ZNF768: variants seen among roughly 807,000 people sequenced by gnomAD.
The protein encoded by ZNF768 is zinc finger protein 768.
ZNF768 carries 12 observed loss-of-function variants against 39.7 expected under a neutral mutation model. The observed-to-expected ratio is 0.30, with a 90% CI of 0.19 to 0.49. ZNF768 has a LOEUF of 0.49. Ranked by LOEUF, ZNF768 falls within the 20% of genes least tolerant of loss-of-function variation. The probability of loss-of-function intolerance (pLI) is 0.99; values close to 1 mark genes in which losing one functional copy is unlikely to be tolerated. For missense variants in ZNF768, 613 were observed against 723.2 expected, an observed-to-expected ratio of 0.85 and a Z score of 1.75; for synonymous variants, 360 against 288.4, an observed-to-expected ratio of 1.25 and a Z score of -2.52.
upstream of ZNF768, among the ~76,000 whole-genome samples, chr16:30,528,899 G>T (rs1280931284): frequency 2.0e-5 from 3 of 152,176 alleles, no homozygotes; most frequent in African/African-American, 7.2e-5. Context: ...CAGGAGAGCA[G>T]CCACACCCTA....
chr16:30,526,289 C>T (rs1412242499), intron 1 of ZNF768, 37 bp downstream of exon 1: 1 of 1,607,956 alleles, frequency 6.2e-7, no homozygotes, highest in Non-Finnish European at 8.5e-7. Context: ...TTCTCCTGCG[C>T]GCAAGTCCAC....
At chr16:30,527,044 G>A (rs2051334332), upstream of ZNF768, 4 of 985,394 alleles carry the variant, frequency 4.1e-6, no homozygotes, top group Non-Finnish European at 4.8e-6. Flanking sequence ...CCCGGGCCCC[G>A]CGTCGTCGGT....
Position 30,526,524 on chromosome 16 carries a change from G to A in ZNF768, c.-111C>T, listed in dbSNP as rs71383763. 23,610 of 1,139,562 alleles carry A rather than the reference G, an allele frequency of 0.021. 312 individuals are homozygous for A. The highest frequency in any genetic ancestry group is 0.024 in the Non-Finnish European group (22,012 of 927,694). 70.6% of individuals were successfully genotyped at this position (1,139,562 alleles called of 1,614,324 possible). A position where few individuals can be genotyped will look rare whatever the true frequency, so the allele number is the denominator to read the frequency against. The stretch of plus-strand genomic sequence containing the variant: ...CCTCCCGCCCGCTCAGCGCCGCCCA[G>A]GGGACTCGGCGGCCCAGCCCGGGCC... On this transcript the variant is annotated 5_prime_UTR_variant, in exon 1 of 2. Transcript: ENST00000380412.
rs776890514 is a variant in ZNF768, at chr16:30,525,885, C to T, written c.255G>A (p.Gly85=). Residue 85 remains glycine, a synonymous_variant, in exon 2 of 2, where the codon GGG becomes GGA. Coordinates refer to ENST00000380412, the MANE Select transcript of ZNF768 (RefSeq NM_024671.4). ...QSPRFEPESP[G]FESRSPGLVP... The stretch of plus-strand genomic sequence containing the variant: ...CAAGCCCAGGGCTTCGGGACTCAAA[C>T]CCCGGGCTTTCAGGCTCAAATCTGG... 6.9e-5 allele frequency: 105 copies of T among 1,518,916 alleles called. No individual in the cohort carries two copies. Among genetic ancestry groups the T allele is most frequent in the Middle Eastern group, 3.7e-4 (2 of 5,456 alleles). The allele number at this position is 1,518,916 out of a possible 1,614,324, so 94.1% of individuals were successfully genotyped here.
In ZNF768 at chr16:30,525,085, T is replaced by C. The variant is rs971102346; in HGVS notation, c.1055A>G (p.Lys352Arg). The change falls in exon 2 of 2, where the codon AAG becomes AGG. Residue 352 changes from lysine (K) to arginine (R), a missense_variant. Lys to Arg is a conservative substitution (Grantham distance 26). Around this residue, in one of 4 missense-constraint regions of ZNF768, gnomAD observed 204 missense variants for 281.7 expected, o/e 0.72. Transcript: ENST00000380412. ...QKPYKCPHCG[K>R]AFGDSSYLLR... ...GAGGTAGGAGCTGTCGCCGAAGGCC[T>C]TGCCACAATGTGGGCACTTGTAGGG... The C allele has an allele frequency of 6.2e-7, 1 of 1,614,066 alleles. No homozygotes were observed. Among genetic ancestry groups the C allele is most frequent in the Non-Finnish European group, 8.5e-7 (1 of 1,180,022 alleles).
At position 30,524,960 on chromosome 16, in the gene ZNF768, C is replaced by T. The variant is rs2051307303; in HGVS notation, c.1180G>A (p.Val394Met). The T allele has an allele frequency of 6.2e-7, 1 of 1,613,722 alleles. No individual in the cohort carries two copies. Among genetic ancestry groups the T allele is most frequent in the Non-Finnish European group, 8.5e-7 (1 of 1,179,920 alleles). ...QNSSLRSHQR[V>M]HTGQRPFSCG... The stretch of plus-strand genomic sequence containing the variant: ...CTGAAGGGCCTCTGACCGGTGTGCA[C>T]CCTCTGATGGCTGCGCAGGGACGAG... The change falls in exon 2 of 2, where the codon GTG becomes ATG. Residue 394 changes from valine to methionine, a missense_variant. Val to Met is a conservative substitution (Grantham distance 21). Coordinates refer to ENST00000380412, the MANE Select transcript of ZNF768 (RefSeq NM_024671.4).
At chr16:30,526,655 T>G, upstream of ZNF768, 1 of 891,942 alleles carries the variant, frequency 1.1e-6, no homozygotes, top group Non-Finnish European at 1.3e-6. Flanking sequence ...TGGCCCTCAC[T>G]GGCCCCCGCG....
chr16:30,524,383 C>G lies in ZNF768; in HGVS notation c.*134G>C. 1 of 1,390,916 alleles carries G rather than the reference C, an allele frequency of 7.2e-7. No individual in the cohort carries two copies. Among genetic ancestry groups the G allele is most frequent in the East Asian group, 2.5e-5 (1 of 40,644 alleles). 86.2% of individuals were successfully genotyped at this position (1,390,916 alleles called of 1,614,324 possible). A position where few individuals can be genotyped will look rare whatever the true frequency, so the allele number is the denominator to read the frequency against. On this transcript the variant is annotated 3_prime_UTR_variant, in exon 2 of 2. Coordinates refer to ENST00000380412, the MANE Select transcript of ZNF768 (RefSeq NM_024671.4). ...CTCCAGGGCATGTCACTTCCTCCAC[C>G]CTGGTTCTCTTCTTCCAGCATCCTC... is the stretch of plus-strand genomic sequence containing the variant.
upstream of ZNF768, chr16:30,526,794 C>A (rs1407559247): frequency 9.7e-5 from 27 of 279,666 alleles, no homozygotes; most frequent in Non-Finnish European, 1.4e-4. Context: ...CCGCCCAGCA[C>A]CCCCCCACCC....
At chr16:30,529,295 A>G (rs2051351254), upstream of ZNF768, among the ~76,000 whole-genome samples, 1 of 152,214 alleles carries the variant, frequency 6.6e-6, no homozygotes, top group Admixed American at 6.5e-5. Flanking sequence ...CTCTGCATCC[A>G]TGAGGATGAG....
At position 30,525,312 on chromosome 16, in the gene ZNF768, C is replaced by G; in HGVS notation, c.828G>C (p.Leu276=). ...CGKSFGRGST[L]IQHQRIHTGE... ...CGGTGTGGATGCGCTGGTGCTGGAT[C>G]AGGGTGGAGCCCCGCCCGAAGCTCT... Residue 276 remains leucine (L), a synonymous_variant, in exon 2 of 2, where the codon CTG becomes CTC. Coordinates refer to ENST00000380412, the MANE Select transcript of ZNF768 (RefSeq NM_024671.4). 6.2e-7 allele frequency: 1 copy of G among 1,614,142 alleles called. No individual in the cohort carries two copies. The highest frequency in any genetic ancestry group is 1.1e-5 in the South Asian group (1 of 91,082).
upstream of ZNF768, chr16:30,526,655 T>C (rs1597119217): frequency 1.1e-6 from 1 of 891,942 alleles, no homozygotes; most frequent in Non-Finnish European, 1.3e-6. Flanking sequence ...TGGCCCTCAC[T>C]GGCCCCCGCG....
rs2051303713 is a variant in ZNF768 at position 30,524,685 on chromosome 16, G to A, written c.1455C>T (p.Tyr485=). 1.2e-6 allele frequency: 2 copies of A among 1,613,140 alleles called. No homozygotes were observed. The highest frequency in any genetic ancestry group is 1.7e-6 in the Non-Finnish European group (2 of 1,179,802). ...AGCCCTTGCCGCACACGGCGCACCTGTAGGGCCGCTCGCCCGTGTGGGAGC... is the reference window on the plus strand; with the variant it reads ...AGCCCTTGCCGCACACGGCGCACCTATAGGGCCGCTCGCCCGTGTGGGAGC... ...HQRSHTGERP[Y]RCAVCGKGFC... Residue 485 remains tyrosine (Y), a synonymous_variant, in exon 2 of 2, where the codon TAC becomes TAT. Transcript: ENST00000380412.
Position 30,525,763 on chromosome 16 carries a change from G to A in ZNF768, c.377C>T (p.Pro126Leu). ...CCCGGGGCTCCGAGGTTCATAGCCA[G>A]GGCTTTGGGGTTCATACCTAGGGCT... ...SQSPRYEPQSPGYEPRSPGYE... is the reference protein window; with the variant it reads ...SQSPRYEPQSLGYEPRSPGYE... The change falls in exon 2 of 2, where the codon CCT becomes CTT. Residue 126 changes from proline (P) to leucine (L), a missense_variant. Coordinates refer to ENST00000380412, the MANE Select transcript of ZNF768 (RefSeq NM_024671.4). 1.3e-6 allele frequency: 2 copies of A among 1,592,524 alleles called. No individual in the cohort carries two copies. The highest frequency in any genetic ancestry group is 1.1e-5 in the South Asian group (1 of 88,120).
Position 30,526,064 on chromosome 16 carries a change from A to G in ZNF768, c.89-13T>C. ...TCACTCATGTTGCCTGCAGGATGAG[A>G]GAATCCAGATCGTGTGAGACCTGGA... is the stretch of plus-strand genomic sequence containing the variant. On this transcript the variant is annotated splice_polypyrimidine_tract_variant and intron_variant, in intron 1 of 1. Coordinates refer to ENST00000380412, the MANE Select transcript of ZNF768 (RefSeq NM_024671.4). 1 of 1,497,044 alleles carries G rather than the reference A, an allele frequency of 6.7e-7. No individual in the cohort carries two copies. The highest frequency in any genetic ancestry group is 1.4e-5 in the South Asian group (1 of 71,340). The allele number at this position is 1,497,044 out of a possible 1,614,324, so 92.7% of individuals were successfully genotyped here.
At chr16:30,527,165 G>A, upstream of ZNF768, 6 of 985,426 alleles carry the variant, frequency 6.1e-6, no homozygotes, top group Non-Finnish European at 6.0e-6. Context: ...CGGGCCTCCG[G>A]GTCAGCTCCG....
chr16:30,532,461 G>A, the ZNF768 span: 2 of 1,566,040 alleles, frequency 1.3e-6, no homozygotes, highest in South Asian at 1.2e-5. Context: ...GCCCATCTCG[G>A]GCCGCCCACA....
upstream of ZNF768, chr16:30,527,043 C>G: frequency 1.0e-6 from 1 of 985,474 alleles, no homozygotes; most frequent in Non-Finnish European, 1.2e-6. Context: ...TCCCGGGCCC[C>G]GCGTCGTCGG....
At chr16:30,532,236 A>C in the ZNF768 span, 1 of 572,680 alleles carries the variant, frequency 1.7e-6, no homozygotes, top group Non-Finnish European at 3.1e-6. Flanking sequence ...TGGGAGGAGA[A>C]ACAGCTTTTG....
Sources: gnomAD v4.1 joint callset for allele counts (sites outside exome capture counted in the v4.1 genomes callset) on GRCh38, gnomAD v4.1.1 for gene constraint, gnomAD v4.1.1 regional missense constraint, MANE v1.5 for transcripts, NCBI Gene and HGNC (gene_info 2026-07-23, HGNC 2026-07-21) for gene names.